GPR174: variants seen among roughly 807,000 people sequenced by gnomAD.
The protein encoded by GPR174 is G protein-coupled receptor 174.
A neutral mutation model predicts 16.5 loss-of-function variants in GPR174; 8 were observed. The observed-to-expected ratio is 0.48, with a 90% CI of 0.28 to 0.87. The LOEUF (loss-of-function observed/expected upper bound fraction) is 0.87. Ranked by LOEUF, GPR174 falls within the 40% of genes least tolerant of loss-of-function variation. The probability of loss-of-function intolerance (pLI) is 0.09; values close to 1 mark genes in which losing one functional copy is unlikely to be tolerated. For missense variants in GPR174, 214 were observed against 247.5 expected (o/e 0.86, Z 0.91); for synonymous variants, 111 against 94.8 (o/e 1.17, Z -0.99).
chrX:79,161,634 T>C (rs1232491973), intron 2 of GPR174, among the ~76,000 whole-genome samples: 1 of 111,590 alleles, frequency 9.0e-6, no homozygotes, highest in Non-Finnish European at 1.9e-5. Context: ...TAAATAATGA[T>C]GTAGGGGGTA....
chrX:79,153,421 T>G (rs1391688323), intron 1 of GPR174, among the ~76,000 whole-genome samples: 1 of 111,643 alleles, frequency 9.0e-6, no homozygotes, highest in Non-Finnish European at 1.9e-5. Flanking sequence ...GGCCAAAGAG[T>G]AAAAATAACA....
At chrX:79,168,550 T>G (rs1487770165) in intron 2 of GPR174, among the ~76,000 whole-genome samples, 1 of 104,054 alleles carries the variant, frequency 9.6e-6, no homozygotes, top group South Asian at 4.2e-4. Context: ...TTTTTTTTTT[T>G]GATTAGCTGT....
chrX:79,149,483 C>A (rs1926561326), intron 1 of GPR174, among the ~76,000 whole-genome samples: 1 of 111,972 alleles, frequency 8.9e-6, no homozygotes, highest in African/African-American at 3.2e-5. Context: ...TGAGGAAGAA[C>A]TACTGACCCT....
At position 79,158,512 on chromosome X, in the gene GPR174, C is replaced by T. The variant is rs1285406477; in HGVS notation, c.-557+1594C>T. 3.0e-5 allele frequency among the ~76,000 whole-genome samples: 3 copies of T among 99,875 alleles called. No homozygotes were observed. In the East Asian group the frequency reaches 9.2e-4, roughly 31 times the overall value. The allele number at this position is 99,875 out of a possible 115,157, so 86.7% of individuals were successfully genotyped here. A position where few individuals can be genotyped will look rare whatever the true frequency, so the allele number is the denominator to read the frequency against. On this transcript the variant is annotated intron_variant, in intron 2 of 2. Transcript: ENST00000645147. Reference sequence around the variant, plus strand: ...AGGCTGGAGTGCAGTGACGCAATCTCGGCTCACTGCAACCTCCACCTCCCG... The same window carrying T: ...AGGCTGGAGTGCAGTGACGCAATCTTGGCTCACTGCAACCTCCACCTCCCG...
chrX:79,169,073 G>A (rs1921446511), intron 2 of GPR174, among the ~76,000 whole-genome samples: 1 of 111,894 alleles, frequency 8.9e-6, no homozygotes, highest in Non-Finnish European at 1.9e-5. Context: ...AACTCCATAT[G>A]AAATAGTTTC....
intron 2 of GPR174, among the ~76,000 whole-genome samples, chrX:79,168,503 A>G (rs976941670): frequency 9.7e-6 from 1 of 103,604 alleles, no homozygotes; most frequent in African/African-American, 3.5e-5. Flanking sequence ...GGTGGAGAGC[A>G]ATTTGGGCAA....
intron 1 of GPR174, among the ~76,000 whole-genome samples, chrX:79,154,332 T>G (rs1487255359): frequency 1.8e-5 from 2 of 112,244 alleles, no homozygotes; most frequent in African/African-American, 6.5e-5. Flanking sequence ...TCCTGGATAC[T>G]ATCTTCTAGT....
At chrX:79,157,541 C>T (rs1385706709) in intron 2 of GPR174, among the ~76,000 whole-genome samples, 1 of 111,632 alleles carries the variant, frequency 9.0e-6, no homozygotes, top group Non-Finnish European at 1.9e-5. Context: ...TAATCTCATC[C>T]AGCACCCACC....
intron 1 of GPR174, among the ~76,000 whole-genome samples, chrX:79,156,093 C>A (rs1425361228): frequency 1.8e-5 from 2 of 111,723 alleles, no homozygotes; most frequent in Non-Finnish European, 3.8e-5. Flanking sequence ...AATATGTAAC[C>A]CCTTCTTGTA....
At chrX:79,155,143 T>A (rs936980327) in intron 1 of GPR174, among the ~76,000 whole-genome samples, 1 of 112,341 alleles carries the variant, frequency 8.9e-6, no homozygotes, top group Non-Finnish European at 1.9e-5. Context: ...CTAAACTCTG[T>A]CCCTGCAGAC....
chrX:79,154,560 C>A (rs1276390346), intron 1 of GPR174, among the ~76,000 whole-genome samples: 4 of 111,166 alleles, frequency 3.6e-5, no homozygotes, highest in African/African-American at 1.3e-4. Flanking sequence ...TCAGTCAGGC[C>A]TGAAGGATAA....
intron 2 of GPR174, among the ~76,000 whole-genome samples, chrX:79,163,838 C>T (rs188623559): frequency 2.1e-4 from 23 of 111,495 alleles, no homozygotes; most frequent in African/African-American, 6.5e-4. Flanking sequence ...GAATGAACTC[C>T]GCTGTCCTTT....
chrX:79,152,814 AG>A (rs1921011458), intron 1 of GPR174, among the ~76,000 whole-genome samples: 1 of 111,797 alleles, frequency 8.9e-6, no homozygotes, highest in African/African-American at 3.2e-5. Flanking sequence ...TTCTCTCTTA[AG>A]GGTATGGATC....
Position 79,171,916 on chromosome X carries a change from T to C in GPR174, c.909T>C (p.Leu303=). The C allele has an allele frequency of 8.3e-7, 1 of 1,211,092 alleles. No individual in the cohort carries two copies. The highest frequency in any genetic ancestry group is 1.1e-6 in the Non-Finnish European group (1 of 895,116). ...YFSTNEFRRR[L]SRQDLHDSIQ... ...CCACTAATGAGTTCCGAAGACGGCTTTCAAGACAAGATTTGCATGACAGCA... is the reference window on the plus strand; with the variant it reads ...CCACTAATGAGTTCCGAAGACGGCTCTCAAGACAAGATTTGCATGACAGCA... Residue 303 remains leucine, a synonymous_variant, in exon 3 of 3, where the codon CTT becomes CTC. Transcript: ENST00000645147.
intron 2 of GPR174, among the ~76,000 whole-genome samples, chrX:79,168,914 T>C (rs1921441683): frequency 9.0e-6 from 1 of 111,383 alleles, no homozygotes; most frequent in African/African-American, 3.3e-5. Context: ...ATTTCTAATA[T>C]TCCTTTGAAT....
At chrX:79,155,159 C>T (rs1445990790) in intron 1 of GPR174, among the ~76,000 whole-genome samples, 1 of 112,251 alleles carries the variant, frequency 8.9e-6, no homozygotes, top group Non-Finnish European at 1.9e-5. Context: ...CAGACTGTTA[C>T]TCTAGTTTGA....
At chrX:79,151,846 C>T (rs1417854825) in intron 1 of GPR174, among the ~76,000 whole-genome samples, 8 of 111,909 alleles carry the variant, frequency 7.1e-5, no homozygotes, top group South Asian at 7.4e-4. Context: ...GATAAGCTAG[C>T]GCATATTAAT....
rs1397209520 is a variant in GPR174 at position 79,172,477 on chromosome X, T to C, written c.*468T>C. ...TTTGGTTATATTTTAGTGGGATAGA[T>C]GATATATTACCCTGTGTAAAGAAAA... On this transcript the variant is annotated 3_prime_UTR_variant, in exon 3 of 3. Coordinates refer to ENST00000645147, the MANE Select transcript of GPR174 (RefSeq NM_032553.3). 3 of 117,477 alleles carry C rather than the reference T, an allele frequency of 2.6e-5. No homozygotes were observed. The highest frequency in any genetic ancestry group is 9.7e-5 in the African/African-American group (3 of 30,950). The allele number at this position is 117,477 out of a possible 1,213,427, so 9.7% of individuals were successfully genotyped here. A position where few individuals can be genotyped will look rare whatever the true frequency, so the allele number is the denominator to read the frequency against.
intron 1 of GPR174, among the ~76,000 whole-genome samples, chrX:79,152,279 G>A (rs1044410501): frequency 2.0e-4 from 22 of 111,725 alleles, no homozygotes; most frequent in African/African-American, 6.8e-4. Flanking sequence ...TGCAAATCAA[G>A]TTTACACATC....
Sources: gnomAD v4.1 joint callset for allele counts (sites outside exome capture counted in the v4.1 genomes callset) on GRCh38, gnomAD v4.1.1 for gene constraint, MANE v1.5 for transcripts, NCBI Gene and HGNC (gene_info 2026-07-23, HGNC 2026-07-21) for gene names.